The following PSG2 variants were observed in gnomAD, a reference collection of about 807,000 sequenced individuals.
PSG2 encodes pregnancy specific beta-1-glycoprotein 2, also known as pregnancy-specific beta-1-glycoprotein 2.
Under a neutral mutation model 36.2 loss-of-function variants are expected in PSG2, and 49 were observed. The observed-to-expected ratio is 1.35, with a 90% CI of 1.08 to 1.72. The LOEUF is 1.72. PSG2 is among the 40% of genes most tolerant of loss of function. The probability of loss-of-function intolerance (pLI) is 0.00; values close to 1 mark genes in which losing one functional copy is unlikely to be tolerated. For missense variants in PSG2, 605 were observed against 407.2 expected (o/e 1.49, Z -4.18); for synonymous variants, 261 against 155.6 (o/e 1.68, Z -5.04).
intron 2 of PSG2, among the ~76,000 whole-genome samples, chr19:43,076,022 T>C (rs10410159): frequency 0.3 from 44,746 of 151,298 alleles, 8,704 homozygotes; most frequent in African/African-American, 0.53. Flanking sequence ...CTTTGCCCCC[T>C]GAGGTATGTT....
At chr19:43,081,426 G>A (rs2122921418) in intron 1 of PSG2, among the ~76,000 whole-genome samples, 180 bp from the exon 2 acceptor site, 1 of 151,182 alleles carries the variant, frequency 6.6e-6, no homozygotes, top group South Asian at 2.1e-4. Flanking sequence ...TTGTATGTGT[G>A]TATGTGTGTG....
At chr19:43,075,072 TCC>T (rs1246759002) in intron 3 of PSG2, among the ~76,000 whole-genome samples, 1 of 151,700 alleles carries the variant, frequency 6.6e-6, no homozygotes, top group Non-Finnish European at 1.5e-5. Flanking sequence ...CCCAGCCAAA[TCC>T]CCGCTGTGTT....
Position 43,075,383 on chromosome 19 carries a change from C to G in PSG2, c.680G>C (p.Arg227Pro). Residue 227 changes from arginine to proline, a missense_variant, in exon 3 of 6, where the codon CGC (arginine) becomes CCC (proline). Physicochemically the swap from Arg to Pro is moderately radical, Grantham distance 103. Transcript: ENST00000406487. ...GAGATTCAGGGTGACTGGGTCACTGCGGCTGGCACTCCCTGAGTTCCGTAT... is the reference window on the plus strand; with the variant it reads ...GAGATTCAGGGTGACTGGGTCACTGGGGCTGGCACTCCCTGAGTTCCGTAT... Reference protein sequence around the residue: ...CEIRNSGSASRSDPVTLNLLH... With the variant: ...CEIRNSGSASPSDPVTLNLLH... The G allele has an allele frequency of 6.2e-7, 1 of 1,613,084 alleles. No homozygotes were observed. The highest frequency in any genetic ancestry group is 1.1e-5 in the South Asian group (1 of 91,044).
Position 43,075,621 on chromosome 19 carries a change from T to C in PSG2, c.442A>G (p.Lys148Glu). 6.2e-7 allele frequency: 1 copy of C among 1,612,658 alleles called. No homozygotes were observed. Among genetic ancestry groups the C allele is most frequent in the Non-Finnish European group, 8.5e-7 (1 of 1,179,482 alleles). Reference protein sequence around the residue: ...FTFTLYLETPKPSISSSNLNP... With the variant: ...FTFTLYLETPEPSISSSNLNP... ...AAGTTGCTGCTGGAGATGGAGGGCT[T>C]GGGAGTCTCCACTGTGCAGAAAACA... is the stretch of plus-strand genomic sequence containing the variant. The change falls in exon 3 of 6, where the codon AAG becomes GAG. Residue 148 changes from lysine (K) to glutamate (E), a missense_variant. Lys to Glu is a moderately conservative substitution (Grantham distance 56). Transcript: ENST00000406487.
chr19:43,080,927 A>G lies in PSG2; in HGVS notation c.384T>C (p.Gly128=), dbSNP rs773789630. The stretch of plus-strand genomic sequence containing the variant: ...ATCCAGTTACTCCTCTAGTCCCATC[A>G]CCTCGCTTTATGATGTGTAAGGTGT... ...GSYTLHIIKR[G]DGTRGVTGYF... Residue 128 remains glycine, a synonymous_variant, in exon 2 of 6, where the codon GGT becomes GGC. Coordinates refer to ENST00000406487, the MANE Select transcript of PSG2 (RefSeq NM_031246.4). The G allele has an allele frequency of 7.4e-6, 12 of 1,612,518 alleles. 2 individuals carry two copies. The African/African-American group carries it at 1.3e-4, about 18-fold the overall frequency.
chr19:43,071,057 T>C (rs551244234), intron 4 of PSG2, among the ~76,000 whole-genome samples: 2 of 151,712 alleles, frequency 1.3e-5, no homozygotes, highest in South Asian at 2.1e-4. Context: ...CTGAGGCTCC[T>C]TCTCTTCTCA....
intron 1 of PSG2, among the ~76,000 whole-genome samples, chr19:43,081,597 A>G (rs1012798039): frequency 2.6e-5 from 4 of 151,158 alleles, no homozygotes; most frequent in African/African-American, 4.9e-5. Flanking sequence ...CTTTCCTGAC[A>G]CCTCCTTCAG....
Position 43,081,206 on chromosome 19 carries a change from T to G in PSG2, c.105A>C (p.Gln35His). Reference sequence around the variant, plus strand: ...TTGGTGGCTGGGCTTCAATCGTGACTTGGGCAGTGGTGGGCAGGTTCCAGA... The same window carrying G: ...TTGGTGGCTGGGCTTCAATCGTGACGTGGGCAGTGGTGGGCAGGTTCCAGA... ...LNFWNLPTTA[Q>H]VTIEAQPPKV... The change falls in exon 2 of 6, where the codon CAA becomes CAC. Residue 35 changes from glutamine to histidine, a missense_variant. Gln to His is a conservative substitution (Grantham distance 24, BLOSUM62 0). Coordinates refer to ENST00000406487, the MANE Select transcript of PSG2 (RefSeq NM_031246.4). The G allele has an allele frequency of 6.2e-7, 1 of 1,612,660 alleles. No individual in the cohort carries two copies. Among genetic ancestry groups the G allele is most frequent in the Non-Finnish European group, 8.5e-7 (1 of 1,179,614 alleles).
chr19:43,072,425 G>A (rs1967833023), intron 3 of PSG2: 5 of 1,612,244 alleles, frequency 3.1e-6, no homozygotes, highest in African/African-American at 2.7e-5. Flanking sequence ...ATAGGGTCCT[G>A]TTTCATTTCT....
chr19:43,077,635 A>C (rs1392133631), intron 2 of PSG2, among the ~76,000 whole-genome samples: 2 of 151,762 alleles, frequency 1.3e-5, no homozygotes, highest in East Asian at 1.9e-4. Context: ...TAAAACCATC[A>C]GATAGCACCC....
rs1483438826 is a variant in PSG2 at position 43,081,264 on chromosome 19, C to A, written c.65-18G>T. ...AAGTGATGCTAGGAGGTGGAGAGAG[C>A]ATCAGACAATATTGAGACCTATGTA... On this transcript the variant is annotated intron_variant, in intron 1 of 5. Transcript: ENST00000406487. The A allele has an allele frequency of 2.5e-6, 4 of 1,599,816 alleles. No homozygotes were observed. The African/African-American group carries it at 4.1e-5, about 16-fold the overall frequency.
Position 43,072,329 on chromosome 19 carries a change from C to T in PSG2, c.710-375G>A, listed in dbSNP as rs1392984769. On this transcript the variant is annotated intron_variant, in intron 3 of 5. Coordinates refer to ENST00000406487, the MANE Select transcript of PSG2 (RefSeq NM_031246.4). ...ATTTGGATTTAAGCTGGTGGCCTGG[C>T]CCACAGAGGAACAAAAGATACAGAG... is the stretch of plus-strand genomic sequence containing the variant. 15 of 1,610,852 alleles carry T rather than the reference C, an allele frequency of 9.3e-6. No homozygotes were observed. The South Asian group carries it at 9.9e-5, about 11-fold the overall frequency.
chr19:43,073,493 C>G (rs1967848435), intron 3 of PSG2, among the ~76,000 whole-genome samples: 1 of 151,772 alleles, frequency 6.6e-6, no homozygotes, highest in Non-Finnish European at 1.5e-5. Context: ...TGCTGGAAAT[C>G]TGGTCGTCAT....
intron 4 of PSG2, among the ~76,000 whole-genome samples, chr19:43,068,802 A>C (rs1267630830): frequency 3.3e-5 from 5 of 151,802 alleles, no homozygotes; most frequent in Admixed American, 6.6e-5. Flanking sequence ...CTGTATGAGC[A>C]GGAATAAGAC....
At chr19:43,073,463 T>A (rs1967847999) in intron 3 of PSG2, among the ~76,000 whole-genome samples, 1 of 150,948 alleles carries the variant, frequency 6.6e-6, no homozygotes, top group Non-Finnish European at 1.5e-5. Flanking sequence ...AACTGACTGG[T>A]GGAAAGGGTG....
Position 43,071,928 on chromosome 19 carries a change from G to C in PSG2, c.736C>G (p.Pro246Ala), listed in dbSNP as rs748978945. 5.6e-6 allele frequency: 9 copies of C among 1,612,584 alleles called. No homozygotes were observed. The highest frequency in any genetic ancestry group is 5.9e-6 in the Non-Finnish European group (7 of 1,179,376). ...CCTGAACGGTAATTGGTGTATGAAG[G>C]GTGAATTCTGGGGAGGTCTGGACCA... ...LHGPDLPRIH[P>A]SYTNYRSGDN... Residue 246 changes from proline to alanine, a missense_variant, in exon 4 of 6, where the codon CCT (proline) becomes GCT (alanine). By Grantham distance (27) the Pro-to-Ala change is conservative (BLOSUM62 -1). Transcript: ENST00000406487.
intron 3 of PSG2, among the ~76,000 whole-genome samples, chr19:43,074,338 C>G (rs541381208): frequency 2.2e-4 from 34 of 151,770 alleles, no homozygotes; most frequent in Admixed American, 9.8e-4. Context: ...AATGAAATGT[C>G]TTTCCATATA....
At chr19:43,067,112 A>T (rs1242055740) in intron 4 of PSG2, among the ~76,000 whole-genome samples, 1 of 150,968 alleles carries the variant, frequency 6.6e-6, no homozygotes, top group Non-Finnish European at 1.5e-5. Context: ...GCTCTCTTTA[A>T]CTCTAATGGG....
intron 3 of PSG2, chr19:43,072,402 G>T: frequency 6.2e-7 from 1 of 1,612,582 alleles, no homozygotes; most frequent in Non-Finnish European, 8.5e-7. Context: ...TATCGGTCCC[G>T]TATTTCACAT....
Sources: allele counts gnomAD v4.1 joint callset (sites outside exome capture counted in the v4.1 genomes callset), GRCh38; gene constraint gnomAD v4.1.1; transcripts MANE v1.5; gene names NCBI Gene and HGNC (gene_info 2026-07-23, HGNC 2026-07-21).